PDZRN3: variants seen among roughly 807,000 people sequenced by gnomAD.
PDZRN3 encodes E3 ubiquitin-protein ligase PDZRN3.
Under a neutral mutation model 85.7 loss-of-function variants are expected in PDZRN3, and 38 were observed. The ratio of observed to expected loss-of-function variants is 0.44; its 90% CI spans 0.34 to 0.58. The LOEUF is 0.58. Among genes scored for constraint, PDZRN3 ranks in the 20% least tolerant of loss-of-function variants. PDZRN3 has a pLI of 0.01. For missense variants in PDZRN3, 1,629 were observed against 1,506.4 expected, an observed-to-expected ratio of 1.08 and a Z score of -1.35; for synonymous variants, 759 against 638.0, an observed-to-expected ratio of 1.19 and a Z score of -2.86.
At chr3:73,474,908 T>C (rs1230262105) in intron 3 of PDZRN3, among the ~76,000 whole-genome samples, 1 of 152,016 alleles carries the variant, frequency 6.6e-6, no homozygotes, top group Non-Finnish European at 1.5e-5. Context: ...AATGGAGGGT[T>C]GTGGGGTGTG....
intron 3 of PDZRN3, among the ~76,000 whole-genome samples, chr3:73,449,331 T>A (rs911709446): frequency 6.6e-6 from 1 of 151,914 alleles, no homozygotes; most frequent in African/African-American, 2.4e-5. Context: ...ATGCTCTGAT[T>A]TAAGTCCCAA....
rs71126867 is a variant in PDZRN3 at position 73,386,226 on chromosome 3, CTTTT to C, written c.1519-445_1519-442del. 1.1e-4 allele frequency among the ~76,000 whole-genome samples: 10 copies of C among 90,728 alleles called. 1 individual carries two copies. Among genetic ancestry groups the C allele is most frequent in the Admixed American group, 4.5e-4 (3 of 6,650 alleles). The allele number at this position is 90,728 out of a possible 152,430, so 59.5% of individuals were successfully genotyped here. On this transcript the variant is annotated intron_variant, in intron 8 of 9. Coordinates refer to ENST00000263666, the MANE Select transcript of PDZRN3 (RefSeq NM_015009.3). ...GCTGTTTGGCTTGGGCAAGATATCA[CTTTT>C]TTTTTTTTTTTTTTTGAGACAGAAT...
At chr3:73,607,478 A>C (rs1404521304) in intron 2 of PDZRN3, among the ~76,000 whole-genome samples, 1 of 152,134 alleles carries the variant, frequency 6.6e-6, no homozygotes, top group African/African-American at 2.4e-5. Flanking sequence ...TACATCAATG[A>C]GAGCAGTGCT....
chr3:73,508,138 A>G (rs1204544031), intron 3 of PDZRN3, among the ~76,000 whole-genome samples: 3 of 152,062 alleles, frequency 2.0e-5, no homozygotes, highest in African/African-American at 7.2e-5. Flanking sequence ...ACTCTTCACA[A>G]TAGGCTTGGC....
At chr3:73,473,478 CAG>C (rs1234736882) in intron 3 of PDZRN3, among the ~76,000 whole-genome samples, 2 of 150,148 alleles carry the variant, frequency 1.3e-5, no homozygotes, top group Non-Finnish European at 3.0e-5. Flanking sequence ...AAAAAAAAAA[CAG>C]AAATTGGAGA....
At chr3:73,455,582 C>T (rs150466985) in intron 3 of PDZRN3, among the ~76,000 whole-genome samples, 171 of 152,306 alleles carry the variant, frequency 1.1e-3, no homozygotes, top group African/African-American at 4.0e-3. Context: ...TTCTGAACTT[C>T]TAATTTTTTC....
chr3:73,589,889 A>T (rs1036457232), intron 3 of PDZRN3, among the ~76,000 whole-genome samples: 1 of 152,148 alleles, frequency 6.6e-6, no homozygotes, highest in Non-Finnish European at 1.5e-5. Context: ...GTTCAGATTT[A>T]TATATATATT....
At chr3:73,591,355 C>T (rs1008617839) in intron 3 of PDZRN3, among the ~76,000 whole-genome samples, 1 of 152,134 alleles carries the variant, frequency 6.6e-6, no homozygotes, top group Admixed American at 6.5e-5. Context: ...CAATGAATTA[C>T]CATGTTGTTC....
chr3:73,593,175 G>T (rs138442131), intron 3 of PDZRN3, among the ~76,000 whole-genome samples: 2,910 of 151,778 alleles, frequency 0.019, 39 homozygotes, highest in Middle Eastern at 0.087. Context: ...ATGTAAAGAT[G>T]ACAATATAAA....
intron 3 of PDZRN3, among the ~76,000 whole-genome samples, chr3:73,455,542 A>G (rs1434393395): frequency 2.0e-5 from 3 of 152,220 alleles, no homozygotes; most frequent in Non-Finnish European, 4.4e-5. Context: ...TTTAGCCTGC[A>G]GAGACTCTCA....
chr3:73,410,192 A>G (rs1701937776), intron 3 of PDZRN3, among the ~76,000 whole-genome samples: 1 of 152,240 alleles, frequency 6.6e-6, no homozygotes, highest in Non-Finnish European at 1.5e-5. Context: ...GATAAAAAAA[A>G]GTCTTTTTTT....
At chr3:73,535,082 G>C (rs1704745079) in intron 3 of PDZRN3, among the ~76,000 whole-genome samples, 1 of 152,020 alleles carries the variant, frequency 6.6e-6, no homozygotes, top group Non-Finnish European at 1.5e-5. Flanking sequence ...CATCACCTGG[G>C]TCTGCCGTGT....
intron 3 of PDZRN3, among the ~76,000 whole-genome samples, chr3:73,570,742 T>C (rs1702034173): frequency 6.6e-6 from 1 of 152,016 alleles, no homozygotes. Context: ...TGTGGCAATG[T>C]ATCAGGTTTC....
intron 3 of PDZRN3, among the ~76,000 whole-genome samples, chr3:73,417,512 TTA>T (rs1262214892): frequency 2.0e-5 from 3 of 152,216 alleles, no homozygotes; most frequent in African/African-American, 4.8e-5. Context: ...AAAACTAACT[TTA>T]TGTTTGTCCT....
At chr3:73,414,808 A>G (rs1702043098) in intron 3 of PDZRN3, among the ~76,000 whole-genome samples, 1 of 152,214 alleles carries the variant, frequency 6.6e-6, no homozygotes, top group Admixed American at 6.5e-5. Flanking sequence ...AATGCCTCCA[A>G]TTTCCTAGAC....
chr3:73,577,894 A>G (rs1289442519), intron 3 of PDZRN3, among the ~76,000 whole-genome samples: 1 of 152,222 alleles, frequency 6.6e-6, no homozygotes, highest in Non-Finnish European at 1.5e-5. Context: ...GAATCATATT[A>G]CTGGAAGACA....
At chr3:73,495,494 C>T (rs948822577) in intron 3 of PDZRN3, among the ~76,000 whole-genome samples, 1 of 152,084 alleles carries the variant, frequency 6.6e-6, no homozygotes, top group Non-Finnish European at 1.5e-5. Flanking sequence ...AACTTTTTTT[C>T]CTCTGGACAG....
chr3:73,441,572 G>A (rs1702637153), intron 3 of PDZRN3, among the ~76,000 whole-genome samples: 1 of 152,140 alleles, frequency 6.6e-6, no homozygotes, highest in Non-Finnish European at 1.5e-5. Context: ...CGGTCAGGAC[G>A]AAGTATTTCT....
chr3:73,607,782 C>A (rs1269858554), intron 2 of PDZRN3, among the ~76,000 whole-genome samples: 4 of 152,176 alleles, frequency 2.6e-5, no homozygotes, highest in African/African-American at 7.2e-5. Context: ...ACTCAATGAC[C>A]ACAGGGCCTC....
Sources: gnomAD v4.1 joint callset for allele counts (sites outside exome capture counted in the v4.1 genomes callset) on GRCh38, gnomAD v4.1.1 for gene constraint, MANE v1.5 for transcripts, NCBI Gene and HGNC (gene_info 2026-07-23, HGNC 2026-07-21) for gene names.